Variants in ZNF536 observed in about 807,000 individuals in gnomAD.
The protein encoded by ZNF536 is zinc finger protein 536.
In ZNF536, 13 loss-of-function variants were observed where a neutral mutation model predicts 84.5. The observed-to-expected ratio is 0.15, with a 90% CI of 0.10 to 0.24. The LOEUF (loss-of-function observed/expected upper bound fraction) is 0.24, where lower values mean the gene tolerates loss of function less well. Ranked by LOEUF, ZNF536 falls within the 10% of genes least tolerant of loss-of-function variation. The pLI, the probability that ZNF536 is intolerant of heterozygous loss-of-function variation, is 1.00. For missense variants in ZNF536, 1,536 were observed against 1,747.5 expected (o/e 0.88, Z 2.16); for synonymous variants, 811 against 742.5 (o/e 1.09, Z -1.50).
chr19:30,390,468 C>G (rs1333582319), intron 1 of ZNF536, among the ~76,000 whole-genome samples: 1 of 152,112 alleles, frequency 6.6e-6, no homozygotes, highest in Non-Finnish European at 1.5e-5. Context: ...GTTGAACTCT[C>G]CAAAGGGAAA....
chr19:30,639,436 C>T (rs1381493602), intron 1 of ZNF536, among the ~76,000 whole-genome samples: 1 of 151,962 alleles, frequency 6.6e-6, no homozygotes, highest in Admixed American at 6.6e-5. Flanking sequence ...AGTGTTTTAC[C>T]CTCATAGCAC....
intron 2 of ZNF536, among the ~76,000 whole-genome samples, chr19:30,447,110 G>A (rs1378834460): frequency 6.6e-6 from 1 of 152,206 alleles, no homozygotes; most frequent in South Asian, 2.1e-4. Context: ...GACAGTTTGA[G>A]GCACCTCGAG....
intron 2 of ZNF536, among the ~76,000 whole-genome samples, chr19:30,499,840 A>T (rs1433242309): frequency 6.6e-6 from 1 of 152,100 alleles, no homozygotes; most frequent in Non-Finnish European, 1.5e-5. Context: ...GGCTTGGTGG[A>T]AGTCCATGTT....
intron 2 of ZNF536, among the ~76,000 whole-genome samples, chr19:30,326,836 A>G (rs1193799697): frequency 5.4e-5 from 4 of 73,506 alleles, no homozygotes; most frequent in Non-Finnish European, 1.0e-4. Flanking sequence ...AGTTGGGCGC[A>G]GTAGCCCATG....
intron 2 of ZNF536, among the ~76,000 whole-genome samples, chr19:30,292,522 C>T (rs543026280): frequency 1.1e-4 from 17 of 152,090 alleles, no homozygotes; most frequent in African/African-American, 3.4e-4. Flanking sequence ...CGTAGAGACA[C>T]GTTTCCCAGG....
At chr19:30,588,080 C>A (rs2047157307) in intron 1 of ZNF536, among the ~76,000 whole-genome samples, 1 of 152,238 alleles carries the variant, frequency 6.6e-6, no homozygotes, top group African/African-American at 2.4e-5. Flanking sequence ...CAACACGTGG[C>A]TTCCCAGTGA....
At chr19:30,469,275 G>A (rs180984817) in intron 2 of ZNF536, among the ~76,000 whole-genome samples, 6 of 152,142 alleles carry the variant, frequency 3.9e-5, no homozygotes, top group African/African-American at 9.7e-5. Flanking sequence ...TTAGCCGGGC[G>A]TGGTGGTGGG....
chr19:30,333,376 A>G (rs1443723211), intron 2 of ZNF536, among the ~76,000 whole-genome samples: 1 of 152,122 alleles, frequency 6.6e-6, no homozygotes, highest in Non-Finnish European at 1.5e-5. Flanking sequence ...CCTCTTGAGA[A>G]GTGTCGCCCA....
chr19:30,243,789 A>G (rs2024095677), intron 1 of ZNF536, among the ~76,000 whole-genome samples: 1 of 152,230 alleles, frequency 6.6e-6, no homozygotes, highest in Non-Finnish European at 1.5e-5. Flanking sequence ...CTCTCATTCC[A>G]ATGCATTTAA....
At chr19:30,386,658 G>A (rs146687795) in intron 1 of ZNF536, among the ~76,000 whole-genome samples, 44 of 152,340 alleles carry the variant, frequency 2.9e-4, no homozygotes, top group Admixed American at 2.0e-3. Context: ...GATTATAGGC[G>A]TGAGCCATGA....
At chr19:30,509,958 A>G (rs2055343174) in intron 2 of ZNF536, among the ~76,000 whole-genome samples, 1 of 152,278 alleles carries the variant, frequency 6.6e-6, no homozygotes, top group Non-Finnish European at 1.5e-5. Context: ...TGTTTTATCA[A>G]GATGAGTGGG....
intron 1 of ZNF536, among the ~76,000 whole-genome samples, chr19:30,389,642 C>G (rs1464320773): frequency 1.3e-5 from 2 of 152,194 alleles, no homozygotes; most frequent in African/African-American, 2.4e-5. Context: ...AAGGCCAAGA[C>G]CAGAACCCTT....
intron 2 of ZNF536, among the ~76,000 whole-genome samples, chr19:30,473,037 CAAAAAAAAAA>C (rs57627848): frequency 8.4e-5 from 9 of 107,372 alleles, no homozygotes; most frequent in Non-Finnish European, 1.7e-4. Flanking sequence ...ACTAAGAATA[CAAAAAAAAAA>C]AAAAAAAAAT....
At chr19:30,235,726 CAATGT>C (rs1385644835) in intron 1 of ZNF536, among the ~76,000 whole-genome samples, 1 of 152,156 alleles carries the variant, frequency 6.6e-6, no homozygotes, top group Non-Finnish European at 1.5e-5. Flanking sequence ...TCAAATCAGG[CAATGT>C]CTTCCAAATT....
At chr19:30,247,029 C>G (rs1217408869) in intron 1 of ZNF536, among the ~76,000 whole-genome samples, 2 of 152,172 alleles carry the variant, frequency 1.3e-5, no homozygotes, top group African/African-American at 2.4e-5. Flanking sequence ...GTCCCACGTC[C>G]CCTGGGTTCT....
chr19:30,301,714 C>A (rs1278764830), intron 2 of ZNF536, among the ~76,000 whole-genome samples: 4 of 151,928 alleles, frequency 2.6e-5, no homozygotes, highest in Non-Finnish European at 4.4e-5. Context: ...GTGAGCTATT[C>A]GTTTCGATTA....
chr19:30,347,755 A>G (rs1465666523), intron 2 of ZNF536, among the ~76,000 whole-genome samples: 2 of 152,216 alleles, frequency 1.3e-5, no homozygotes, highest in Non-Finnish European at 2.9e-5. Context: ...GAAGATTCAG[A>G]CAGAAGAAAT....
At chr19:30,430,028 T>C (rs2051381532) in intron 1 of ZNF536, among the ~76,000 whole-genome samples, 1 of 151,190 alleles carries the variant, frequency 6.6e-6, no homozygotes, top group South Asian at 2.1e-4. Context: ...GTTAGCTCTT[T>C]ATGGAGGGTG....
At chr19:30,540,054 C>G (rs1376112589) in intron 3 of ZNF536, among the ~76,000 whole-genome samples, 36 of 152,170 alleles carry the variant, frequency 2.4e-4, no homozygotes, top group Non-Finnish European at 4.4e-5. Context: ...TTTGATGTGC[C>G]GCATGTTCCA....
Sources: gnomAD v4.1 joint callset for allele counts (sites outside exome capture counted in the v4.1 genomes callset) on GRCh38, gnomAD v4.1.1 for gene constraint, MANE v1.5 for transcripts, NCBI Gene and HGNC (gene_info 2026-07-23, HGNC 2026-07-21) for gene names.